IGFL2: variants seen among roughly 807,000 people sequenced by gnomAD.
The protein encoded by IGFL2 is IGF like family member 2.
In IGFL2, 7 loss-of-function variants were observed where a neutral mutation model predicts 13.9. That is an observed-to-expected ratio of 0.51 (90% confidence interval 0.29 to 0.95). The LOEUF is 0.95. Among genes scored for constraint, IGFL2 ranks in the 40% least tolerant of loss-of-function variants. The probability of loss-of-function intolerance (pLI) is 0.08; values close to 1 mark genes in which losing one functional copy is unlikely to be tolerated. For synonymous variants in IGFL2, 55 were observed against 55.8 expected, an observed-to-expected ratio of 0.99 and a Z score of 0.07; for missense variants, 138 against 147.8, an observed-to-expected ratio of 0.93 and a Z score of 0.34.
the IGFL2 span, among the ~76,000 whole-genome samples, chr19:46,078,789 G>A: frequency 6.6e-6 from 1 of 152,276 alleles, no homozygotes; most frequent in Non-Finnish European, 1.5e-5. Flanking sequence ...AATGGAGAGC[G>A]GCGCCCACCT....
the IGFL2 span, among the ~76,000 whole-genome samples, chr19:46,129,351 G>C: frequency 7.1e-6 from 1 of 139,922 alleles, no homozygotes; most frequent in South Asian, 2.3e-4. Flanking sequence ...GTGTGTGTGT[G>C]TCTCTGTCTC....
At chr19:46,171,357 AG>A in the IGFL2 span, among the ~76,000 whole-genome samples, 1 of 152,226 alleles carries the variant, frequency 6.6e-6, no homozygotes, top group Middle Eastern at 3.4e-3. Context: ...ATTCAAGACG[AG>A]ATTATGGGTG....
the IGFL2 span, among the ~76,000 whole-genome samples, chr19:46,183,345 C>T: frequency 1.3e-5 from 2 of 152,096 alleles, no homozygotes; most frequent in African/African-American, 4.8e-5. Context: ...AGAGCCAAAG[C>T]ATATCACAGA....
At chr19:46,133,516 G>A in the IGFL2 span, among the ~76,000 whole-genome samples, 1 of 152,230 alleles carries the variant, frequency 6.6e-6, no homozygotes, top group Non-Finnish European at 1.5e-5. Flanking sequence ...GGAATGCTGA[G>A]AGAGGCAAAA....
At chr19:46,203,076 GAGTC>G in the IGFL2 span, 1 of 152,238 alleles carries the variant, frequency 6.6e-6, no homozygotes, top group Non-Finnish European at 1.5e-5. Context: ...TCTGAAAAGA[GAGTC>G]AGCAAAGGGA....
chr19:46,136,761 G>C, the IGFL2 span: 5 of 608,480 alleles, frequency 8.2e-6, no homozygotes, highest in Non-Finnish European at 1.6e-5. Context: ...TGTAAGTTTC[G>C]GCTGAAGCTC....
chr19:46,094,034 A>ATTTTTTT, the IGFL2 span, among the ~76,000 whole-genome samples: 6 of 114,226 alleles, frequency 5.3e-5, 2 homozygotes, highest in African/African-American at 9.9e-5. Context: ...GCCTTGGAGG[A>ATTTTTTT]TTTTTTTTTT....
chr19:46,140,575 C>T (rs186207148), upstream of IGFL2, among the ~76,000 whole-genome samples: 4 of 152,288 alleles, frequency 2.6e-5, no homozygotes, highest in African/African-American at 7.2e-5. Flanking sequence ...TGGAACTCAT[C>T]GCTCCATCTT....
intron 1 of IGFL2, 68 bp downstream of exon 1, chr19:46,148,365 A>C (rs778343883): frequency 8.4e-6 from 11 of 1,307,856 alleles, no homozygotes; most frequent in African/African-American, 1.5e-5. Flanking sequence ...CTGAACCTCA[A>C]ACTTAATTCT....
At chr19:46,113,286 G>A in the IGFL2 span, 668 of 241,368 alleles carry the variant, frequency 2.8e-3, 1 homozygote, top group African/African-American at 0.014. Context: ...CAGACAGGAT[G>A]TGTTCTGCAC....
the IGFL2 span, among the ~76,000 whole-genome samples, chr19:46,170,827 C>T: frequency 7.2e-4 from 110 of 152,244 alleles, 1 homozygote; most frequent in Middle Eastern, 0.017. Flanking sequence ...CTAGTCAGAC[C>T]AGTTCTCTGC....
chr19:46,082,556 G>A, the IGFL2 span, among the ~76,000 whole-genome samples: 1 of 152,082 alleles, frequency 6.6e-6, no homozygotes, highest in African/African-American at 2.4e-5. Context: ...AAGATAAGTG[G>A]GATCAAGCCG....
At chr19:46,140,170 G>T (rs1288429271), upstream of IGFL2, among the ~76,000 whole-genome samples, 1 of 151,422 alleles carries the variant, frequency 6.6e-6, no homozygotes, top group Non-Finnish European at 1.5e-5. Flanking sequence ...GGTTGGTCTT[G>T]AACTGACCTC....
At chr19:46,188,847 G>A in the IGFL2 span, among the ~76,000 whole-genome samples, 1 of 152,358 alleles carries the variant, frequency 6.6e-6, no homozygotes, top group Non-Finnish European at 1.5e-5. Flanking sequence ...CTCGGACAGA[G>A]CCCCCATTCA....
chr19:46,160,567 C>A, intron 2 of IGFL2, 47 bp from the exon 3 acceptor site: 1 of 1,613,474 alleles, frequency 6.2e-7, no homozygotes, highest in Non-Finnish European at 8.5e-7. Context: ...GATGTAGTGC[C>A]TGGTTATCCT....
the IGFL2 span, among the ~76,000 whole-genome samples, chr19:46,129,310 TG>T: frequency 3.2e-4 from 16 of 50,726 alleles, no homozygotes; most frequent in African/African-American, 1.0e-3. Context: ...TGATCTTTTG[TG>T]TGTGTGTGTG....
the IGFL2 span, among the ~76,000 whole-genome samples, chr19:46,129,307 T>TTGTGTGTG: frequency 1.4e-3 from 189 of 137,062 alleles, 2 homozygotes; most frequent in African/African-American, 1.7e-3. Context: ...TGTTGATCTT[T>TTGTGTGTG]TGTGTGTGTG....
the IGFL2 span, chr19:46,198,074 TC>T: frequency 1.5e-5 from 2 of 135,766 alleles, no homozygotes; most frequent in Non-Finnish European, 3.1e-5. Flanking sequence ...CTTCCTTCCT[TC>T]CTTCCTTCCT....
At chr19:46,108,454 T>C in the IGFL2 span, among the ~76,000 whole-genome samples, 1 of 152,116 alleles carries the variant, frequency 6.6e-6, no homozygotes, top group African/African-American at 2.4e-5. Flanking sequence ...CAGAAGAAAA[T>C]AAAATGCTTA....
Sources: gnomAD v4.1 joint callset for allele counts (sites outside exome capture counted in the v4.1 genomes callset) on GRCh38, gnomAD v4.1.1 for gene constraint, MANE v1.5 for transcripts, NCBI Gene and HGNC (gene_info 2026-07-23, HGNC 2026-07-21) for gene names.